THEMIS2: variants seen among roughly 807,000 people sequenced by gnomAD.
THEMIS2 encodes the protein thymocyte selection associated family member 2, also known as protein THEMIS2.
In THEMIS2, 29 loss-of-function variants were observed where a neutral mutation model predicts 46.8. The ratio of observed to expected loss-of-function variants is 0.62; its 90% CI spans 0.46 to 0.84. THEMIS2 has a LOEUF of 0.84. Among genes scored for constraint, THEMIS2 ranks in the 40% least tolerant of loss-of-function variants. THEMIS2 has a pLI of 0.00. For missense variants in THEMIS2, 698 were observed against 834.7 expected, an observed-to-expected ratio of 0.84 and a Z score of 2.02; for synonymous variants, 335 against 349.1, an observed-to-expected ratio of 0.96 and a Z score of 0.45.
At chr1:27,880,330 G>A (rs1479273962) in intron 3 of THEMIS2, among the ~76,000 whole-genome samples, 13 of 152,116 alleles carry the variant, frequency 8.5e-5, no homozygotes, top group South Asian at 2.1e-4. Flanking sequence ...GATTACAGGC[G>A]TGCACCACCA....
chr1:27,884,679 G>C (rs1269929870), intron 4 of THEMIS2: 1 of 152,538 alleles, frequency 6.6e-6, no homozygotes, highest in African/African-American at 2.4e-5. Flanking sequence ...TGATCAGGGA[G>C]CTGTGCCGCA....
At chr1:27,881,816 A>G (rs34631302) in intron 3 of THEMIS2, among the ~76,000 whole-genome samples, 155 bp from the exon 4 acceptor site, 74,088 of 150,170 alleles carry the variant, frequency 0.49, 21,617 homozygotes, top group South Asian at 0.71. Context: ...CGACAAGGGC[A>G]CTCCATCTCG....
At position 27,872,544 on chromosome 1, in the gene THEMIS2, A is replaced by C. The variant is rs1442220202; in HGVS notation, c.-28A>C. On this transcript the variant is annotated 5_prime_UTR_variant, in exon 1 of 6. Coordinates refer to ENST00000373921, the MANE Select transcript of THEMIS2 (RefSeq NM_001105556.3). The surrounding 1 kb of genome is among the most constrained non-coding windows in gnomAD (Gnocchi z 4.9). The stretch of plus-strand genomic sequence containing the variant: ...CCCGGGGACCGCCCGCCCGCCCCTC[A>C]GTCTGAGCCCAGAGAGCCGCGGGGA... The C allele has an allele frequency of 6.9e-7, 1 of 1,449,996 alleles. No individual in the cohort carries two copies. The highest frequency in any genetic ancestry group is 9.1e-7 in the Non-Finnish European group (1 of 1,101,328). The allele number at this position is 1,449,996 out of a possible 1,614,324, so 89.8% of individuals were successfully genotyped here.
rs1212097335 is a variant in THEMIS2 at position 27,878,578 on chromosome 1, C to T, written c.236-1066C>T. ...CTCCCTCTCCATACATACACACACACGAATGTATTACTATATGTGTATATA... is the reference window on the plus strand; with the variant it reads ...CTCCCTCTCCATACATACACACACATGAATGTATTACTATATGTGTATATA... On this transcript the variant is annotated intron_variant, in intron 2 of 5. Coordinates refer to ENST00000373921, the MANE Select transcript of THEMIS2 (RefSeq NM_001105556.3). Among the ~76,000 whole-genome samples the T allele has an allele frequency of 1.2e-4, 6 of 49,002 alleles. No homozygotes were observed. In the East Asian group the frequency reaches 3.0e-3, roughly 24 times the overall value. The allele number at this position is 49,002 out of a possible 152,430, so 32.1% of individuals were successfully genotyped here.
At chr1:27,878,754 G>A (rs1313309491) in intron 2 of THEMIS2, among the ~76,000 whole-genome samples, 1 of 151,956 alleles carries the variant, frequency 6.6e-6, no homozygotes, top group African/African-American at 2.4e-5. Context: ...CTTAATTTTG[G>A]TACAGTACTA....
At position 27,882,584 on chromosome 1, in the gene THEMIS2, C is replaced by T. The variant is rs1209503969; in HGVS notation, c.1260C>T (p.Val420=). The T allele has an allele frequency of 1.2e-6, 2 of 1,614,176 alleles. No homozygotes were observed. The highest frequency in any genetic ancestry group is 1.7e-6 in the Non-Finnish European group (2 of 1,180,028). The change falls in exon 4 of 6, where the codon GTC becomes GTT. Residue 420 remains valine, a synonymous_variant. Coordinates refer to ENST00000373921, the MANE Select transcript of THEMIS2 (RefSeq NM_001105556.3). The surrounding 1 kb of genome is among the most constrained non-coding windows in gnomAD (Gnocchi z 7.6). ...AGGAGGCAGAGAGCCCAGAGCGGGT[C>T]CTGCTGCCCTTCCACTTCCCTGGCA... ...CKEEAESPER[V]LLPFHFPGSF...
Position 27,882,428 on chromosome 1 carries a change from G to A in THEMIS2, c.1104G>A (p.Leu368=), listed in dbSNP as rs2089698525. The A allele has an allele frequency of 1.9e-6, 3 of 1,612,482 alleles. No homozygotes were observed. Among genetic ancestry groups the A allele is most frequent in the East Asian group, 2.2e-5 (1 of 44,824 alleles). The change falls in exon 4 of 6, where the codon CTG becomes CTA. Residue 368 remains leucine, a synonymous_variant. Transcript: ENST00000373921. The surrounding 1 kb of genome is among the most constrained non-coding windows in gnomAD (Gnocchi z 7.6). The part of the protein sequence containing the change: ...EREENPEFTS[L]AVGDRLEVLG... The stretch of plus-strand genomic sequence containing the variant: ...AGGAGAATCCCGAGTTCACGTCCCT[G>A]GCTGTGGGTGACCGGCTGGAGGTGC...
At chr1:27,875,362 C>G (rs1456076444) in intron 1 of THEMIS2, among the ~76,000 whole-genome samples, 2 of 152,240 alleles carry the variant, frequency 1.3e-5, no homozygotes, top group African/African-American at 2.4e-5. Context: ...GCATCAGTAG[C>G]CCTTGGCACA....
chr1:27,885,865 A>G lies in THEMIS2; in HGVS notation c.1877-2A>G. 6.2e-7 allele frequency: 1 copy of G among 1,614,030 alleles called. No homozygotes were observed. The highest frequency in any genetic ancestry group is 8.5e-7 in the Non-Finnish European group (1 of 1,179,966). ...TCCTCATTGACTCGGACTCTTTTGC[A>G]GATGATGATGAACATGATTATGAAG... On this transcript the variant is annotated splice_acceptor_variant, in intron 5 of 5. Coordinates refer to ENST00000373921, the MANE Select transcript of THEMIS2 (RefSeq NM_001105556.3). LOFTEE classifies it high-confidence loss of function.
At chr1:27,885,234 T>A in intron 4 of THEMIS2, 61 bp from the exon 5 acceptor site, 1 of 1,576,228 alleles carries the variant, frequency 6.3e-7, no homozygotes, top group Non-Finnish European at 8.6e-7. Context: ...ATGACCGTTT[T>A]TCATGGACTC....
At chr1:27,881,764 G>A (rs2089682037) in intron 3 of THEMIS2, among the ~76,000 whole-genome samples, 1 of 151,722 alleles carries the variant, frequency 6.6e-6, no homozygotes, top group Non-Finnish European at 1.5e-5. Context: ...GGAGGTGGAG[G>A]TTGCAGTGAG....
intron 1 of THEMIS2, among the ~76,000 whole-genome samples, chr1:27,875,171 G>T (rs1433007534): frequency 1.3e-5 from 2 of 151,870 alleles, no homozygotes; most frequent in Non-Finnish European, 2.9e-5. Flanking sequence ...TAGAGACGGG[G>T]TTTCACCATG....
At position 27,886,091 on chromosome 1, in the gene THEMIS2, G is replaced by A. The variant is rs1161904971; in HGVS notation, c.*169G>A. On this transcript the variant is annotated 3_prime_UTR_variant, in exon 6 of 6. Coordinates refer to ENST00000373921, the MANE Select transcript of THEMIS2 (RefSeq NM_001105556.3). ...TGGACACTGCACCAGCTTCCTTCAGGTTCTAGATTCTTGCTACTTAGGGCG... is the reference window on the plus strand; with the variant it reads ...TGGACACTGCACCAGCTTCCTTCAGATTCTAGATTCTTGCTACTTAGGGCG... 3.2e-6 allele frequency: 2 copies of A among 634,624 alleles called. No homozygotes were observed. The highest frequency in any genetic ancestry group is 2.7e-6 in the Non-Finnish European group (1 of 364,590). 39.3% of individuals were successfully genotyped at this position (634,624 alleles called of 1,614,324 possible).
chr1:27,876,522 C>T, intron 1 of THEMIS2, 66 bp from the exon 2 acceptor site: 1 of 1,569,946 alleles, frequency 6.4e-7, no homozygotes, highest in Non-Finnish European at 8.7e-7. Context: ...TTGTTGGGCA[C>T]CAGGGCACAG....
In THEMIS2 at chr1:27,872,734, C is replaced by T. The variant is rs2089509243; in HGVS notation, c.94+69C>T. On this transcript the variant is annotated intron_variant, in intron 1 of 5. Transcript: ENST00000373921. This position sits in a 1 kb window ranked among gnomAD's most constrained non-coding sequence, Gnocchi z 4.9. ...GGCGGGGGCAGAGACCCGGAGAAGA[C>T]GTTAGCAATCCGGGGAAACTGCCCC... The T allele has an allele frequency of 7.5e-6, 9 of 1,196,948 alleles. No individual in the cohort carries two copies. The highest frequency in any genetic ancestry group is 9.5e-6 in the Non-Finnish European group (9 of 944,736). The allele number at this position is 1,196,948 out of a possible 1,614,324, so 74.1% of individuals were successfully genotyped here. A position where few individuals can be genotyped will look rare whatever the true frequency, so the allele number is the denominator to read the frequency against.
At chr1:27,874,984 CTTT>C (rs111822413) in intron 1 of THEMIS2, among the ~76,000 whole-genome samples, 1 of 145,968 alleles carries the variant, frequency 6.9e-6, no homozygotes, top group African/African-American at 2.5e-5. Flanking sequence ...TCTTCTTCTT[CTTT>C]TTTTTTTTTG....
rs778208352 is a variant in THEMIS2, at chr1:27,882,844, T to C, written c.1520T>C (p.Leu507Pro). ...CFEIPPRWLD[L>P]TVVKAKGQPD... is the part of the protein sequence containing the mutation. The stretch of plus-strand genomic sequence containing the variant: ...GAGATCCCTCCCCGGTGGCTGGACC[T>C]GACTGTTGTGAAGGCCAAGGGGCAG... The change falls in exon 4 of 6, where the codon CTG becomes CCG. Residue 507 changes from leucine to proline, a missense_variant. Transcript: ENST00000373921. The surrounding 1 kb of genome is among the most constrained non-coding windows in gnomAD (Gnocchi z 7.6). 3.7e-6 allele frequency: 6 copies of C among 1,613,872 alleles called. No individual in the cohort carries two copies. Among genetic ancestry groups the C allele is most frequent in the Non-Finnish European group, 5.1e-6 (6 of 1,179,920 alleles).
intron 5 of THEMIS2, 90 bp downstream of exon 5, chr1:27,885,541 G>A (rs1557456174): frequency 2.7e-5 from 40 of 1,482,272 alleles, no homozygotes; most frequent in Non-Finnish European, 3.2e-5. Context: ...CCTGTCCAGG[G>A]ACAGACCCTT....
Position 27,885,887 on chromosome 1 carries a change from G to C in THEMIS2, c.1897G>C (p.Glu633Gln). Reference protein sequence around the residue: ...QDLDDDEHDYEEILEQFQKTI With the variant: ...QDLDDDEHDYQEILEQFQKTI ...TGCAGATGATGATGAACATGATTATGAAGAAATACTTGAGCAATTTCAGAA... is the reference window on the plus strand; with the variant it reads ...TGCAGATGATGATGAACATGATTATCAAGAAATACTTGAGCAATTTCAGAA... The change falls in exon 6 of 6, where the codon GAA (glutamate) becomes CAA (glutamine). Residue 633 changes from glutamate (E) to glutamine (Q), a missense_variant. Physicochemically the swap from Glu to Gln is conservative, Grantham distance 29 (BLOSUM62 2). Coordinates refer to ENST00000373921, the MANE Select transcript of THEMIS2 (RefSeq NM_001105556.3). The C allele has an allele frequency of 6.2e-7, 1 of 1,614,034 alleles. No homozygotes were observed. The highest frequency in any genetic ancestry group is 8.5e-7 in the Non-Finnish European group (1 of 1,180,018).
Sources: gnomAD v4.1 joint callset for allele counts (sites outside exome capture counted in the v4.1 genomes callset) on GRCh38, gnomAD v4.1.1 for gene constraint, Gnocchi (gnomAD v3.1) non-coding constraint, MANE v1.5 for transcripts, NCBI Gene and HGNC (gene_info 2026-07-23, HGNC 2026-07-21) for gene names.